The following DST variants were observed in gnomAD, a reference collection of about 807,000 sequenced individuals.
The protein encoded by DST is bullous pemphigoid antigen.
In DST, 253 loss-of-function variants were observed where a neutral mutation model predicts 875.2. The observed-to-expected ratio is 0.29, with a 90% CI of 0.26 to 0.32. DST has a LOEUF of 0.32. DST is among the 10% of genes least tolerant of loss of function. The pLI is 1.00. For missense variants in DST, 8,287 were observed against 9,111.6 expected, an observed-to-expected ratio of 0.91 and a Z score of 3.68; for synonymous variants, 3,124 against 3,197.1, an observed-to-expected ratio of 0.98 and a Z score of 0.77.
At chr6:56,683,847 C>T (rs1017206135) in intron 9 of DST, among the ~76,000 whole-genome samples, 37 of 152,200 alleles carry the variant, frequency 2.4e-4, no homozygotes, top group African/African-American at 7.2e-4. Context: ...ACACAAGCCT[C>T]GAGACCACTC....
chr6:56,872,307 T>C (rs1381277982), intron 3 of DST, among the ~76,000 whole-genome samples: 1 of 152,198 alleles, frequency 6.6e-6, no homozygotes, highest in Admixed American at 6.5e-5. Flanking sequence ...TTCAAATAAT[T>C]ACATAAAGTA....
Position 56,604,134 on chromosome 6 carries a change from A to G in DST, c.10494T>C (p.Ala3498=). 6.3e-7 allele frequency: 1 copy of G among 1,582,938 alleles called. No individual in the cohort carries two copies. Among genetic ancestry groups the G allele is most frequent in the Non-Finnish European group, 8.6e-7 (1 of 1,162,290 alleles). The part of the protein sequence containing the change: ...QLENIFYKLL[A]DGYSEKIEHV... ...GTTCTATTTTCTCTGAATATCCATC[A>G]GCAAGCAGTTTGTAGAAAATATTTT... Residue 3498 remains alanine, a synonymous_variant, in exon 40 of 104, where the codon GCT becomes GCC. Transcript: ENST00000680361.
intron 2 of DST, among the ~76,000 whole-genome samples, chr6:56,914,745 C>G (rs1281795741): frequency 6.6e-6 from 1 of 152,116 alleles, no homozygotes; most frequent in Non-Finnish European, 1.5e-5. Flanking sequence ...AAGAAAGATC[C>G]AGCAACAAAG....
intron 9 of DST, among the ~76,000 whole-genome samples, chr6:56,681,296 GC>G (rs1443527638): frequency 2.0e-5 from 3 of 152,220 alleles, no homozygotes; most frequent in African/African-American, 7.2e-5. Flanking sequence ...ACAGTCCTCT[GC>G]AGCCTCATCT....
intron 36 of DST, chr6:56,614,876 T>C: frequency 1.0e-6 from 1 of 993,116 alleles, no homozygotes; most frequent in Non-Finnish European, 1.2e-6. Context: ...GAACGTCTAC[T>C]GTACATGTAA....
chr6:56,647,386 G>A (rs2098949235), intron 13 of DST, among the ~76,000 whole-genome samples: 1 of 152,266 alleles, frequency 6.6e-6, no homozygotes. Flanking sequence ...AAGTAATTTC[G>A]TGCCAAGGAC....
intron 60 of DST, among the ~76,000 whole-genome samples, chr6:56,554,306 G>A (rs1005229577): frequency 1.2e-4 from 18 of 151,868 alleles, no homozygotes; most frequent in Non-Finnish European, 2.2e-4. Context: ...GGATGGTCTC[G>A]ATCTCCTGAC....
rs899607989 is a variant in DST at position 56,458,197 on chromosome 6, C to T, written c.*808G>A. ...AATTGATATTGCTCATAAAAAAATA[C>T]ACTAGTTTTCCCTGGGGAAAAAAAA... is the stretch of plus-strand genomic sequence containing the variant. On this transcript the variant is annotated 3_prime_UTR_variant, in exon 104 of 104. Coordinates refer to ENST00000680361, the MANE Select transcript of DST (RefSeq NM_001374736.1). 2 of 152,430 alleles carry T rather than the reference C, an allele frequency of 1.3e-5. No homozygotes were observed. Among genetic ancestry groups the T allele is most frequent in the East Asian group, 1.9e-4 (1 of 5,192 alleles). 9.4% of individuals were successfully genotyped at this position (152,430 alleles called of 1,614,324 possible). A position where few individuals can be genotyped will look rare whatever the true frequency, so the allele number is the denominator to read the frequency against.
intron 5 of DST, among the ~76,000 whole-genome samples, chr6:56,729,209 C>T (rs561771485): frequency 6.6e-6 from 1 of 152,252 alleles, no homozygotes; most frequent in South Asian, 2.1e-4. Context: ...GGAAAAAAGT[C>T]TTATTTGTAG....
intron 55 of DST, among the ~76,000 whole-genome samples, chr6:56,566,160 A>G (rs575764831): frequency 8.6e-4 from 131 of 152,216 alleles, no homozygotes; most frequent in Non-Finnish European, 1.5e-3. Context: ...GCTGAGCTAG[A>G]CCACTTAGCT....
chr6:56,688,282 A>C lies in DST; in HGVS notation c.1047+11371T>G, dbSNP rs1294888968. The stretch of plus-strand genomic sequence containing the variant: ...CCTTCGTCTTCAAGATCTGTGGAGC[A>C]AGGCTAAACACATTCAGATTTTATC... On this transcript the variant is annotated intron_variant, in intron 9 of 103. Coordinates refer to ENST00000680361, the MANE Select transcript of DST (RefSeq NM_001374736.1). Among the ~76,000 whole-genome samples the C allele has an allele frequency of 3.9e-5, 6 of 152,342 alleles. No individual in the cohort carries two copies. The East Asian group carries it at 1.2e-3, about 29-fold the overall frequency.
intron 66 of DST, 112 bp downstream of exon 66, chr6:56,529,336 G>A: frequency 1.1e-6 from 1 of 905,922 alleles, no homozygotes; most frequent in Non-Finnish European, 1.6e-6. Flanking sequence ...CTTTTTTTAA[G>A]TACAGCAATT....
At chr6:56,788,128 C>CAAAAAAAAAA (rs781369739) in intron 4 of DST, among the ~76,000 whole-genome samples, 1 of 26,600 alleles carries the variant, frequency 3.8e-5, no homozygotes, top group African/African-American at 1.9e-4. Context: ...GACTCCGTCT[C>CAAAAAAAAAA]AAAAAAAAAA....
rs2097915225 is a variant in DST at position 56,578,878 on chromosome 6, A to G, written c.12963T>C (p.Ala4321=). The stretch of plus-strand genomic sequence containing the variant: ...ATCCCCTGGCATCTAAAAGCACTTC[A>G]GCCGTTTTCTTCAGTTTCTCTACAG... The part of the protein sequence containing the change: ...QVAVEKLKKT[A]EVLLDARGSL... Residue 4321 remains alanine, a synonymous_variant, in exon 50 of 104, where the codon GCT becomes GCC. Coordinates refer to ENST00000680361, the MANE Select transcript of DST (RefSeq NM_001374736.1). 3.1e-6 allele frequency: 5 copies of G among 1,609,850 alleles called. No individual in the cohort carries two copies. The highest frequency in any genetic ancestry group is 4.2e-6 in the Non-Finnish European group (5 of 1,178,054).
rs192729462 is a variant in DST, at chr6:56,483,206, A to G, written c.21208-329T>C. ...TTTCAATTTCATAAAACAATGCAAC[A>G]AATTCCTTTTCTTAATGATTCTTTA... On this transcript the variant is annotated intron_variant, in intron 88 of 103. Transcript: ENST00000680361. 5.5e-3 allele frequency among the ~76,000 whole-genome samples: 842 copies of G among 152,338 alleles called. 1 individual carries two copies. The highest frequency in any genetic ancestry group is 9.3e-3 in the Non-Finnish European group (634 of 68,036).
At chr6:56,869,660 C>T (rs575925349) in intron 3 of DST, among the ~76,000 whole-genome samples, 8 of 151,448 alleles carry the variant, frequency 5.3e-5, no homozygotes, top group Admixed American at 4.6e-4. Context: ...TTCACACAAT[C>T]TATGCAGTAT....
intron 3 of DST, among the ~76,000 whole-genome samples, chr6:56,852,709 T>C (rs1277887037): frequency 6.6e-6 from 1 of 152,260 alleles, no homozygotes; most frequent in South Asian, 2.1e-4. Context: ...ACTTTCCTAC[T>C]GAGAATTCTA....
chr6:56,580,841 T>C (rs2097968578), intron 49 of DST, among the ~76,000 whole-genome samples: 1 of 148,134 alleles, frequency 6.8e-6, no homozygotes. Context: ...CAGGTGATCC[T>C]CCCACCTGAG....
At chr6:56,843,048 C>G (rs746295189) in intron 4 of DST, 11 of 1,471,554 alleles carry the variant, frequency 7.5e-6, no homozygotes, top group Non-Finnish European at 1.0e-5. Context: ...GGGCAGGGAC[C>G]ACATACCTTT....
Sources: gnomAD v4.1 joint callset for allele counts (sites outside exome capture counted in the v4.1 genomes callset) on GRCh38, gnomAD v4.1.1 for gene constraint, MANE v1.5 for transcripts, NCBI Gene and HGNC (gene_info 2026-07-23, HGNC 2026-07-21) for gene names.